MBP: variants seen among roughly 807,000 people sequenced by gnomAD.
MBP encodes myelin basic protein.
A neutral mutation model predicts 35.8 loss-of-function variants in MBP; 16 were observed. That is an observed-to-expected ratio of 0.45 (90% CI 0.30 to 0.68). MBP has a LOEUF of 0.68. Ranked by LOEUF, MBP falls within the 30% of genes least tolerant of loss-of-function variation. The pLI is 0.08. For missense variants in MBP, 380 were observed against 404.7 expected (o/e 0.94, Z 0.52); for synonymous variants, 143 against 159.6 (o/e 0.90, Z 0.78).
In MBP at chr18:77,057,319, A is replaced by C. The variant is rs902524737; in HGVS notation, c.139+8979T>G. Reference sequence around the variant, plus strand: ...CAGCTGCACCCTCATCTGACATGCAAGGCGGGGTCAGACAAGATAATCTGA... The same window carrying C: ...CAGCTGCACCCTCATCTGACATGCACGGCGGGGTCAGACAAGATAATCTGA... On this transcript the variant is annotated intron_variant, in intron 3 of 8. Transcript: ENST00000355994. 2.0e-5 allele frequency among the ~76,000 whole-genome samples: 3 copies of C among 152,186 alleles called. No homozygotes were observed. The South Asian group carries it at 6.2e-4, about 32-fold the overall frequency.
At chr18:76,991,163 A>G (rs1380357202) in intron 4 of MBP, among the ~76,000 whole-genome samples, 1 of 152,124 alleles carries the variant, frequency 6.6e-6, no homozygotes. Flanking sequence ...TAAGTGTCTC[A>G]CGCCACACTG....
intron 4 of MBP, chr18:77,004,609 G>A (rs565596215): frequency 5.9e-5 from 9 of 152,330 alleles, no homozygotes; most frequent in Non-Finnish European, 8.8e-5. Context: ...TCACAGACAA[G>A]CCTTTCGTTC....
chr18:77,053,596 C>T (rs1203014754), intron 3 of MBP, among the ~76,000 whole-genome samples: 1 of 152,194 alleles, frequency 6.6e-6, no homozygotes. Context: ...GCTGCGGGCA[C>T]TTCTGTGCAT....
At chr18:77,107,625 T>G (rs1976320695) in intron 1 of MBP, among the ~76,000 whole-genome samples, 1 of 152,236 alleles carries the variant, frequency 6.6e-6, no homozygotes, top group Non-Finnish European at 1.5e-5. Flanking sequence ...GGTGCTGAAC[T>G]GCTCCTTGGA....
intron 4 of MBP, among the ~76,000 whole-genome samples, chr18:77,011,504 G>A (rs941299630): frequency 6.6e-6 from 1 of 152,122 alleles, no homozygotes; most frequent in East Asian, 1.9e-4. Context: ...CTGACTCCCT[G>A]TCTACTCATG....
At chr18:77,009,507 A>T (rs1971202039) in intron 4 of MBP, among the ~76,000 whole-genome samples, 1 of 152,076 alleles carries the variant, frequency 6.6e-6, no homozygotes, top group South Asian at 2.1e-4. Context: ...TACCAGAGCC[A>T]CTCCCGGGCC....
Position 77,131,079 on chromosome 18 carries a change from G to GCACACA in MBP, c.-26+1500_-26+1501insTGTGTG, listed in dbSNP as rs1201771464. Among the ~76,000 whole-genome samples the GCACACA allele has an allele frequency of 2.6e-5, 1 of 39,004 alleles. No homozygotes were observed. Among genetic ancestry groups the GCACACA allele is most frequent in the Non-Finnish European group, 1.0e-4 (1 of 10,018 alleles). The allele number at this position is 39,004 out of a possible 152,430, so 25.6% of individuals were successfully genotyped here. A position where few individuals can be genotyped will look rare whatever the true frequency, so the allele number is the denominator to read the frequency against. Reference sequence around the variant, plus strand: ...AAACAAAACACACACACGCGCGCACGCACGCGCACACACACACACACACAC... The same window carrying GCACACA: ...AAACAAAACACACACACGCGCGCACGCACACACACGCGCACACACACACACACACAC... On this transcript the variant is annotated intron_variant, in intron 1 of 8. Transcript: ENST00000355994. This position sits in a 1 kb window ranked among gnomAD's most constrained non-coding sequence, Gnocchi z 5.5.
chr18:77,024,245 T>C (rs1054083364), intron 3 of MBP, among the ~76,000 whole-genome samples: 2 of 152,230 alleles, frequency 1.3e-5, no homozygotes, highest in African/African-American at 4.8e-5. Context: ...TTATGAGTTA[T>C]TTTGTGACTT....
intron 1 of MBP, among the ~76,000 whole-genome samples, chr18:77,129,531 C>A (rs537114657): frequency 1.3e-5 from 2 of 152,204 alleles, no homozygotes; most frequent in African/African-American, 4.8e-5. Flanking sequence ...CTGGATGAAG[C>A]CTGTCCACTA....
rs78437424 is a variant in MBP at position 76,997,450 on chromosome 18, G to T, written c.577-7390C>A. ...GAGAGTCTCCAAGTCTTCGGTTCTA[G>T]AATTTTACTGAGAAGCCACCTTGGA... On this transcript the variant is annotated intron_variant, in intron 4 of 8. Coordinates refer to ENST00000355994, the MANE Select transcript of MBP (RefSeq NM_001025101.2). 1.7e-3 allele frequency among the ~76,000 whole-genome samples: 252 copies of T among 152,364 alleles called. 8 individuals are homozygous for T. In the East Asian group the frequency reaches 0.045, roughly 28 times the overall value.
intron 1 of MBP, among the ~76,000 whole-genome samples, chr18:77,119,471 T>G (rs535854278): frequency 2.6e-5 from 4 of 151,948 alleles, no homozygotes; most frequent in Admixed American, 2.0e-4. Context: ...GGTAGGTACA[T>G]GACACACAGT....
chr18:76,983,867 T>C (rs377577990), intron 8 of MBP: 4 of 152,282 alleles, frequency 2.6e-5, no homozygotes, highest in African/African-American at 9.6e-5. Context: ...ACAAAATACA[T>C]GGAGTCAAAG....
At chr18:77,118,569 C>T (rs1976772530) in intron 1 of MBP, among the ~76,000 whole-genome samples, 1 of 151,718 alleles carries the variant, frequency 6.6e-6, no homozygotes, top group Non-Finnish European at 1.5e-5. Context: ...TGGATTCCAA[C>T]ACACAGGCCA....
rs1364859732 is a variant in MBP, at chr18:76,979,620, G to A, written c.*807C>T. 7 of 343,352 alleles carry A rather than the reference G, an allele frequency of 2.0e-5. No homozygotes were observed. The highest frequency in any genetic ancestry group is 3.8e-5 in the Non-Finnish European group (7 of 184,342). The allele number at this position is 343,352 out of a possible 1,614,324, so 21.3% of individuals were successfully genotyped here. On this transcript the variant is annotated 3_prime_UTR_variant, in exon 9 of 9. Coordinates refer to ENST00000355994, the MANE Select transcript of MBP (RefSeq NM_001025101.2). ...GAGGTTGTTCATAGAGGCTGCTCTG[G>A]GGCCACCATGCAGGGCAACGGTGAC...
chr18:76,999,313 C>A (rs978893142), intron 4 of MBP, among the ~76,000 whole-genome samples: 5 of 152,146 alleles, frequency 3.3e-5, no homozygotes, highest in African/African-American at 9.7e-5. Context: ...GCCAGCCTCG[C>A]AACCTCCGCT....
rs1976028505 is a variant in MBP, at chr18:77,101,842, CCTCCCCAGCAG to C, written c.51+3358_51+3368del. On this transcript the variant is annotated intron_variant, in intron 2 of 8. Coordinates refer to ENST00000355994, the MANE Select transcript of MBP (RefSeq NM_001025101.2). This position sits in a 1 kb window ranked among gnomAD's most constrained non-coding sequence, Gnocchi z 4.3. ...GGCAACAGACGAGGCCTCCCCACCA[CCTCCCCAGCAG>C]CCAACGGCACCTAAAGCCTGCTCAG... is the stretch of plus-strand genomic sequence containing the variant. Among the ~76,000 whole-genome samples the C allele has an allele frequency of 6.6e-6, 1 of 152,168 alleles. No homozygotes were observed. The highest frequency in any genetic ancestry group is 1.5e-5 in the Non-Finnish European group (1 of 68,046).
chr18:77,054,792 G>A (rs561888607), intron 3 of MBP, among the ~76,000 whole-genome samples: 93 of 152,050 alleles, frequency 6.1e-4, no homozygotes, highest in African/African-American at 2.2e-3. Flanking sequence ...AGCGGCGGGT[G>A]ACGTCACCAT....
chr18:77,018,642 A>ATCCATCCAC (rs1971812061), intron 3 of MBP, among the ~76,000 whole-genome samples: 2 of 140,098 alleles, frequency 1.4e-5, no homozygotes, highest in African/African-American at 2.7e-5. Flanking sequence ...CCATCCATCC[A>ATCCATCCAC]CATATCAGTC....
chr18:77,018,960 C>T (rs1599079320), intron 3 of MBP, among the ~76,000 whole-genome samples: 2 of 136,902 alleles, frequency 1.5e-5, no homozygotes, highest in South Asian at 5.0e-4. Flanking sequence ...ATCCATCTAT[C>T]CATTCATCCA....
Sources: gnomAD v4.1 joint callset for allele counts (sites outside exome capture counted in the v4.1 genomes callset) on GRCh38, gnomAD v4.1.1 for gene constraint, Gnocchi (gnomAD v3.1) non-coding constraint, MANE v1.5 for transcripts, NCBI Gene and HGNC (gene_info 2026-07-23, HGNC 2026-07-21) for gene names.